ZC3H13: variants seen among roughly 807,000 people sequenced by gnomAD.
ZC3H13 encodes the protein zinc finger CCCH domain-containing protein 13.
A neutral mutation model predicts 204.1 loss-of-function variants in ZC3H13; 64 were observed. The observed-to-expected ratio is 0.31, with a 90% confidence interval of 0.26 to 0.39. ZC3H13 has a LOEUF of 0.39. Ranked by LOEUF, ZC3H13 falls within the 10% of genes least tolerant of loss-of-function variation. The pLI, the probability that ZC3H13 is intolerant of heterozygous loss-of-function variation, is 1.00. For missense variants in ZC3H13, 1,833 were observed against 2,082.7 expected, an observed-to-expected ratio of 0.88 and a Z score of 2.33; for synonymous variants, 667 against 693.7, an observed-to-expected ratio of 0.96 and a Z score of 0.60.
intron 4 of ZC3H13, among the ~76,000 whole-genome samples, chr13:46,031,339 C>T (rs1043089413): frequency 1.3e-5 from 2 of 151,790 alleles, no homozygotes; most frequent in Non-Finnish European, 2.9e-5. Context: ...AAATAAAACT[C>T]CTAGAAAGTA....
At chr13:45,996,182 G>A (rs2040322266) in intron 8 of ZC3H13, among the ~76,000 whole-genome samples, 1 of 152,098 alleles carries the variant, frequency 6.6e-6, no homozygotes, top group African/African-American at 2.4e-5. Context: ...AAACTATAAA[G>A]AATATATACT....
chr13:45,962,453 T>C (rs1402039970), intron 17 of ZC3H13: 8 of 984,944 alleles, frequency 8.1e-6, no homozygotes, highest in Non-Finnish European at 9.6e-6. Flanking sequence ...TTAGGGGTTT[T>C]ATTCCATCAC....
At chr13:45,982,431 G>T (rs1398504153) in intron 10 of ZC3H13, among the ~76,000 whole-genome samples, 1 of 151,944 alleles carries the variant, frequency 6.6e-6, no homozygotes, top group Admixed American at 6.6e-5. Context: ...TGAAAAATTT[G>T]AAAGTTAAGA....
chr13:46,023,948 T>C (rs1408282953), intron 4 of ZC3H13, among the ~76,000 whole-genome samples: 1 of 152,218 alleles, frequency 6.6e-6, no homozygotes, highest in African/African-American at 2.4e-5. Context: ...TTCAGTCACA[T>C]GGCCACCTAT....
At chr13:45,957,944 G>C (rs1391574763) in intron 18 of ZC3H13, among the ~76,000 whole-genome samples, 1 of 152,130 alleles carries the variant, frequency 6.6e-6, no homozygotes, top group Non-Finnish European at 1.5e-5. Flanking sequence ...AGTTACATTA[G>C]CATTTTTTGG....
chr13:45,964,660 A>G (rs1951941702), intron 16 of ZC3H13, among the ~76,000 whole-genome samples: 1 of 152,190 alleles, frequency 6.6e-6, no homozygotes, highest in Admixed American at 6.5e-5. Flanking sequence ...TAAAAATTTC[A>G]TATTTTATAT....
At chr13:46,052,337 G>T in intron 1 of ZC3H13, 67 bp downstream of exon 1, 1 of 392,872 alleles carries the variant, frequency 2.5e-6, no homozygotes. Context: ...GGGTAACCCG[G>T]GCCTCCGCAT....
In ZC3H13 at chr13:45,954,626, T is replaced by C. The variant is rs191726047; in HGVS notation, c.*2501A>G. 5 of 152,350 alleles carry C rather than the reference T, an allele frequency of 3.3e-5. No individual in the cohort carries two copies. Among genetic ancestry groups the C allele is most frequent in the Admixed American group, 3.3e-4 (5 of 15,302 alleles). 9.4% of individuals were successfully genotyped at this position (152,350 alleles called of 1,614,324 possible). ...TCCTTAAAAGTGGGAGGGGTTCATATAACCTTTTAAAATAGCAAGTTGAGG... is the reference window on the plus strand; with the variant it reads ...TCCTTAAAAGTGGGAGGGGTTCATACAACCTTTTAAAATAGCAAGTTGAGG... On this transcript the variant is annotated 3_prime_UTR_variant, in exon 19 of 19. Transcript: ENST00000679008.
intron 9 of ZC3H13, among the ~76,000 whole-genome samples, chr13:45,987,994 G>A (rs1272408956): frequency 6.6e-6 from 1 of 152,042 alleles, no homozygotes. Context: ...AAACTGCTTC[G>A]CTTACTTCTT....
In ZC3H13 at chr13:45,975,855, G is replaced by A; in HGVS notation, c.1913-17C>T. ...GTCTTTGATCTACAATGAAAATCAA[G>A]TTTTGTCAGTGATTAATTTGACAGA... On this transcript the variant is annotated splice_polypyrimidine_tract_variant and intron_variant, in intron 11 of 18. Transcript: ENST00000679008. 6.2e-7 allele frequency: 1 copy of A among 1,601,132 alleles called. No individual in the cohort carries two copies. Among genetic ancestry groups the A allele is most frequent in the Non-Finnish European group, 8.5e-7 (1 of 1,171,652 alleles).
chr13:46,037,202 G>A, intron 4 of ZC3H13, among the ~76,000 whole-genome samples: 1 of 152,154 alleles, frequency 6.6e-6, no homozygotes. Flanking sequence ...TAAATTTTAT[G>A]TGTATTTTAC....
At chr13:45,965,704 TAA>T in intron 15 of ZC3H13, among the ~76,000 whole-genome samples, 1 of 152,078 alleles carries the variant, frequency 6.6e-6, no homozygotes, top group Non-Finnish European at 1.5e-5. Flanking sequence ...ATATGACAAA[TAA>T]AAGCTACTAC....
chr13:46,037,537 T>G (rs2043286634), intron 4 of ZC3H13, among the ~76,000 whole-genome samples: 1 of 152,198 alleles, frequency 6.6e-6, no homozygotes, highest in Admixed American at 6.5e-5. Context: ...TCAAATTCCA[T>G]AAAATAACAA....
intron 12 of ZC3H13, among the ~76,000 whole-genome samples, chr13:45,974,102 T>C (rs1161957288): frequency 6.6e-6 from 1 of 152,228 alleles, no homozygotes; most frequent in African/African-American, 2.4e-5. Context: ...ACATAAATTA[T>C]TTTCTCAGTA....
intron 5 of ZC3H13, among the ~76,000 whole-genome samples, chr13:46,013,385 G>C (rs954267284): frequency 6.6e-6 from 1 of 151,058 alleles, no homozygotes; most frequent in African/African-American, 2.4e-5. Context: ...CTGCACTCCA[G>C]CCTGACAACA....
chr13:46,004,702 A>G (rs575059742), intron 7 of ZC3H13, among the ~76,000 whole-genome samples: 1 of 152,196 alleles, frequency 6.6e-6, no homozygotes, highest in Non-Finnish European at 1.5e-5. Context: ...TACATCATCT[A>G]CAAATGAAAT....
rs554560109 is a variant in ZC3H13, at chr13:45,970,213, C to T, written c.2572+149G>A. The T allele has an allele frequency of 2.4e-5, 22 of 901,028 alleles. No homozygotes were observed. In the African/African-American group the frequency reaches 3.5e-4, roughly 14 times the overall value. 55.8% of individuals were successfully genotyped at this position (901,028 alleles called of 1,614,324 possible). A position where few individuals can be genotyped will look rare whatever the true frequency, so the allele number is the denominator to read the frequency against. ...GAAAATGACAGTACTCTAACACATA[C>T]TTTAGTCACAAAAGGAGATATTTAG... On this transcript the variant is annotated intron_variant, in intron 13 of 18. Coordinates refer to ENST00000679008, the MANE Select transcript of ZC3H13 (RefSeq NM_001330564.2).
intron 14 of ZC3H13, 28 bp downstream of exon 14, chr13:45,968,720 T>C (rs765892768): frequency 8.4e-6 from 13 of 1,544,802 alleles, no homozygotes; most frequent in Non-Finnish European, 7.0e-6. Context: ...TAGGAAACAG[T>C]GACTAGATCA....
intron 4 of ZC3H13, among the ~76,000 whole-genome samples, chr13:46,040,632 A>G (rs185764699): frequency 9.5e-4 from 145 of 152,274 alleles, no homozygotes; most frequent in Non-Finnish European, 1.7e-3. Context: ...AAAAATGTGT[A>G]TGCTTTAAAG....
Sources: allele counts gnomAD v4.1 joint callset (sites outside exome capture counted in the v4.1 genomes callset), GRCh38; gene constraint gnomAD v4.1.1; transcripts MANE v1.5; gene names NCBI Gene and HGNC (gene_info 2026-07-23, HGNC 2026-07-21).